FBXW7: variants seen among roughly 807,000 people sequenced by gnomAD.
The protein encoded by FBXW7 is F-box and WD repeat domain containing 7.
Under a neutral mutation model 86.3 loss-of-function variants are expected in FBXW7, and 11 were observed. That is an observed-to-expected ratio of 0.13 (90% confidence interval 0.08 to 0.21). The LOEUF (loss-of-function observed/expected upper bound fraction) is 0.21. Ranked by LOEUF, FBXW7 falls within the 10% of genes least tolerant of loss-of-function variation. The probability of loss-of-function intolerance (pLI) is 1.00; values close to 1 mark genes in which losing one functional copy is unlikely to be tolerated. For synonymous variants in FBXW7, 313 were observed against 297.9 expected (o/e 1.05, Z -0.52); for missense variants, 488 against 847.4 (o/e 0.58, Z 5.27).
At position 152,355,737 on chromosome 4, in the gene FBXW7, C is replaced by A. The variant is rs181126307; in HGVS notation, c.502-5613G>T. 2.0e-3 allele frequency among the ~76,000 whole-genome samples: 300 copies of A among 152,186 alleles called. 1 individual carries two copies. The highest frequency in any genetic ancestry group is 6.8e-3 in the African/African-American group (283 of 41,542). ...AACTCAGACCCAATGCTCATCTCAT[C>A]ACAACTCCACTGTGCTAGGTGTAGA... On this transcript the variant is annotated intron_variant, in intron 4 of 13. Transcript: ENST00000281708.
intron 2 of FBXW7, among the ~76,000 whole-genome samples, chr4:152,439,928 T>C (rs954966118): frequency 7.9e-5 from 12 of 152,028 alleles, no homozygotes; most frequent in African/African-American, 2.9e-4. Flanking sequence ...TGGCTTTACT[T>C]CTTCCATATG....
In FBXW7 at chr4:152,330,641, G is replaced by T. The variant is rs751445163; in HGVS notation, c.1122+91C>A. The T allele has an allele frequency of 6.5e-6, 7 of 1,077,168 alleles. No individual in the cohort carries two copies. The South Asian group carries it at 1.3e-4, about 21-fold the overall frequency. 66.7% of individuals were successfully genotyped at this position (1,077,168 alleles called of 1,614,324 possible). ...ACGGTTTTCTTTCTACAGAAGAGGA[G>T]TGTCATATTATACAGTTTGCCAAGT... On this transcript the variant is annotated intron_variant, in intron 9 of 13. Transcript: ENST00000281708.
chr4:152,341,562 A>C (rs1217830155), intron 6 of FBXW7, among the ~76,000 whole-genome samples: 1 of 152,244 alleles, frequency 6.6e-6, no homozygotes, highest in Non-Finnish European at 1.5e-5. Flanking sequence ...AAGGTGCTTA[A>C]TAAATGTTTA....
chr4:152,384,696 C>G (rs1270307888), intron 4 of FBXW7, among the ~76,000 whole-genome samples: 1 of 151,596 alleles, frequency 6.6e-6, no homozygotes. Context: ...GGATATTTAA[C>G]CATAAATTTT....
intron 2 of FBXW7, among the ~76,000 whole-genome samples, chr4:152,423,196 A>G (rs1031994073): frequency 6.6e-6 from 1 of 152,116 alleles, no homozygotes; most frequent in African/African-American, 2.4e-5. Context: ...TAATACACTG[A>G]AGGTGGCAAA....
chr4:152,532,656 G>A (rs745749450), intron 2 of FBXW7, among the ~76,000 whole-genome samples: 1 of 152,062 alleles, frequency 6.6e-6, no homozygotes, highest in Non-Finnish European at 1.5e-5. Flanking sequence ...AGTTCTATAT[G>A]TACACGTCCA....
chr4:152,337,238 G>C lies in FBXW7; in HGVS notation c.861+564C>G, dbSNP rs534462913. 1.8e-4 allele frequency among the ~76,000 whole-genome samples: 28 copies of C among 151,976 alleles called. No homozygotes were observed. The East Asian group carries it at 4.4e-3, about 24-fold the overall frequency. ...AGCATGTAATTAGTATGGGAAATCTGTATTTGTGTAATGGAGATGGGGAGG... is the reference window on the plus strand; with the variant it reads ...AGCATGTAATTAGTATGGGAAATCTCTATTTGTGTAATGGAGATGGGGAGG... On this transcript the variant is annotated intron_variant, in intron 7 of 13. Transcript: ENST00000281708.
intron 8 of FBXW7, among the ~76,000 whole-genome samples, chr4:152,331,941 C>T (rs1176366144): frequency 6.6e-6 from 1 of 152,028 alleles, no homozygotes; most frequent in Non-Finnish European, 1.5e-5. Context: ...GACTAACCAT[C>T]AATGCTTCCT....
intron 2 of FBXW7, among the ~76,000 whole-genome samples, chr4:152,524,038 A>G (rs537182900): frequency 1.3e-5 from 2 of 152,328 alleles, no homozygotes; most frequent in East Asian, 3.9e-4. Context: ...AGAAATAACA[A>G]TAACTTAATA....
At chr4:152,364,294 C>A (rs1036977631) in intron 4 of FBXW7, among the ~76,000 whole-genome samples, 6 of 152,100 alleles carry the variant, frequency 3.9e-5, no homozygotes, top group Non-Finnish European at 8.8e-5. Flanking sequence ...GTCTTACTCT[C>A]CTTCCTTCAT....
chr4:152,453,115 C>T lies in FBXW7; in HGVS notation c.-119-40586G>A, dbSNP rs773666880. ...AGGAGAATCACTTGAACCTGGGAGGCGGAGGTTGCAGTGAGCCAAGATCGC... is the reference window on the plus strand; with the variant it reads ...AGGAGAATCACTTGAACCTGGGAGGTGGAGGTTGCAGTGAGCCAAGATCGC... On this transcript the variant is annotated intron_variant, in intron 2 of 13. Coordinates refer to ENST00000281708, the MANE Select transcript of FBXW7 (RefSeq NM_001349798.2). Among the ~76,000 whole-genome samples the T allele has an allele frequency of 5.1e-4, 77 of 152,036 alleles. 1 individual carries two copies. Among genetic ancestry groups the T allele is most frequent in the Non-Finnish European group, 9.9e-4 (67 of 67,984 alleles).
At chr4:152,381,924 T>C (rs901667626) in intron 4 of FBXW7, among the ~76,000 whole-genome samples, 1 of 152,144 alleles carries the variant, frequency 6.6e-6, no homozygotes, top group Non-Finnish European at 1.5e-5. Flanking sequence ...ACATACCTTT[T>C]TACATTTACT....
In FBXW7 at chr4:152,320,857, G is replaced by A. The variant is rs1042123400; in HGVS notation, c.*2024C>T. ...ATAGTGCCTACTTCTCAGGGATAGTGGGAGCTTAAGAGAGAATGAACAGAA... is the reference window on the plus strand; with the variant it reads ...ATAGTGCCTACTTCTCAGGGATAGTAGGAGCTTAAGAGAGAATGAACAGAA... On this transcript the variant is annotated 3_prime_UTR_variant, in exon 14 of 14. Transcript: ENST00000281708. 3 of 152,134 alleles carry A rather than the reference G, an allele frequency of 2.0e-5. No individual in the cohort carries two copies. In the East Asian group the frequency reaches 5.8e-4, roughly 29 times the overall value. 9.4% of individuals were successfully genotyped at this position (152,134 alleles called of 1,614,324 possible).
intron 2 of FBXW7, among the ~76,000 whole-genome samples, chr4:152,428,063 C>T (rs190163682): frequency 6.6e-6 from 1 of 152,096 alleles, no homozygotes; most frequent in African/African-American, 2.4e-5. Flanking sequence ...TCCCATGGAA[C>T]CTTGGGTATG....
chr4:152,518,668 T>C (rs1021642312), intron 2 of FBXW7, among the ~76,000 whole-genome samples: 3 of 152,222 alleles, frequency 2.0e-5, no homozygotes, highest in Admixed American at 6.5e-5. Flanking sequence ...TTAAAATTTC[T>C]GAAAAGGGCA....
At chr4:152,522,054 G>A (rs1447435747) in intron 2 of FBXW7, among the ~76,000 whole-genome samples, 1 of 151,994 alleles carries the variant, frequency 6.6e-6, no homozygotes, top group Non-Finnish European at 1.5e-5. Flanking sequence ...AGAAAAACAA[G>A]ATCCTAAGTT....
At chr4:152,492,691 T>C (rs1211760436) in intron 2 of FBXW7, among the ~76,000 whole-genome samples, 2 of 152,084 alleles carry the variant, frequency 1.3e-5, no homozygotes, top group East Asian at 1.9e-4. Flanking sequence ...CATATTAACA[T>C]AGGAAATAAG....
intron 2 of FBXW7, among the ~76,000 whole-genome samples, chr4:152,418,002 A>T (rs778269943): frequency 1.1e-4 from 16 of 152,142 alleles, no homozygotes; most frequent in South Asian, 6.2e-4. Context: ...CACAAAAAAC[A>T]TCTGTGTTAA....
intron 2 of FBXW7, among the ~76,000 whole-genome samples, chr4:152,505,935 T>C (rs112358739): frequency 2.0e-5 from 3 of 151,688 alleles, no homozygotes; most frequent in African/African-American, 7.3e-5. Flanking sequence ...GAGACAGGGT[T>C]TTGCGATGTT....
Sources: allele counts gnomAD v4.1 joint callset (sites outside exome capture counted in the v4.1 genomes callset), GRCh38; gene constraint gnomAD v4.1.1; transcripts MANE v1.5; gene names NCBI Gene and HGNC (gene_info 2026-07-23, HGNC 2026-07-21).